The following NEDD1 variants were observed in gnomAD, a reference collection of about 807,000 sequenced individuals.
NEDD1 encodes NEDD1 gamma-tubulin ring complex targeting factor, also known as protein NEDD1.
A neutral mutation model predicts 74.0 loss-of-function variants in NEDD1; 33 were observed. That is an observed-to-expected ratio of 0.45 (90% confidence interval 0.34 to 0.60). NEDD1 has a LOEUF of 0.60. Ranked by LOEUF, NEDD1 falls within the 20% of genes least tolerant of loss-of-function variation. NEDD1 has a pLI of 0.01. For missense variants in NEDD1, 746 were observed against 776.5 expected, an observed-to-expected ratio of 0.96 and a Z score of 0.47; for synonymous variants, 250 against 264.4, an observed-to-expected ratio of 0.95 and a Z score of 0.53.
chr12:96,919,965 CTTTCA>C lies in NEDD1; in HGVS notation c.349-15_349-11del. On this transcript the variant is annotated splice_polypyrimidine_tract_variant and intron_variant, in intron 5 of 15. Coordinates refer to ENST00000266742, the MANE Select transcript of NEDD1 (RefSeq NM_152905.4). Reference sequence around the variant, plus strand: ...CGAGGATTATGGGGCAGTGTACTTACTTTCATTTCTCTCTTTCAGGATCATAAAGA... The same window carrying C: ...CGAGGATTATGGGGCAGTGTACTTACTTTCTCTCTTTCAGGATCATAAAGA... The C allele has an allele frequency of 1.9e-6, 3 of 1,580,030 alleles. No homozygotes were observed. The highest frequency in any genetic ancestry group is 2.6e-6 in the Non-Finnish European group (3 of 1,155,132).
chr12:96,946,572 C>T (rs764989937), intron 14 of NEDD1, among the ~76,000 whole-genome samples: 4 of 152,012 alleles, frequency 2.6e-5, no homozygotes, highest in Non-Finnish European at 5.9e-5. Flanking sequence ...TTTTAAATGT[C>T]GAAAAATACT....
At position 96,929,698 on chromosome 12, in the gene NEDD1, T is replaced by C. The variant is rs1045020553; in HGVS notation, c.490-5278T>C. Among the ~76,000 whole-genome samples, 25 of 151,938 alleles carry C rather than the reference T, an allele frequency of 1.6e-4. 2 individuals are homozygous for C. The highest frequency in any genetic ancestry group is 8.5e-4 in the Admixed American group (13 of 15,246). ...ACTTTTCCACCTGTCTGTGAACCTT[T>C]GTTGCCTCCATCCTGTTCAGGTTTG... On this transcript the variant is annotated intron_variant, in intron 6 of 15. Coordinates refer to ENST00000266742, the MANE Select transcript of NEDD1 (RefSeq NM_152905.4).
chr12:96,941,164 C>T (rs1877628487), intron 10 of NEDD1, among the ~76,000 whole-genome samples: 1 of 152,090 alleles, frequency 6.6e-6, no homozygotes, highest in South Asian at 2.1e-4. Context: ...TTAATATATT[C>T]ATACTTTTTG....
intron 9 of NEDD1, 103 bp from the exon 10 acceptor site, chr12:96,940,306 A>G: frequency 5.1e-6 from 3 of 589,398 alleles, no homozygotes. Flanking sequence ...CATAGTTGTA[A>G]TATTACCAAC....
chr12:96,911,961 T>G (rs1413099598), intron 3 of NEDD1, among the ~76,000 whole-genome samples: 1 of 152,190 alleles, frequency 6.6e-6, no homozygotes, highest in Non-Finnish European at 1.5e-5. Flanking sequence ...TTTAAACTTC[T>G]GATATTTTAA....
chr12:96,950,536 G>T (rs1878616772), intron 14 of NEDD1, among the ~76,000 whole-genome samples: 2 of 151,862 alleles, frequency 1.3e-5, no homozygotes, highest in Non-Finnish European at 1.5e-5. Flanking sequence ...ATGATATACA[G>T]ATATATAAAA....
At chr12:96,946,198 G>A (rs1481697768) in intron 14 of NEDD1, among the ~76,000 whole-genome samples, 2 of 152,060 alleles carry the variant, frequency 1.3e-5, no homozygotes, top group Admixed American at 6.6e-5. Context: ...GGTATGCTGT[G>A]TGCAATAATG....
rs538580146 is a variant in NEDD1 at position 96,926,858 on chromosome 12, G to A, written c.489+6733G>A. 5.9e-5 allele frequency among the ~76,000 whole-genome samples: 9 copies of A among 151,834 alleles called. No homozygotes were observed. In the South Asian group the frequency reaches 6.3e-4, roughly 11 times the overall value. On this transcript the variant is annotated intron_variant, in intron 6 of 15. Transcript: ENST00000266742. ...AAAAATTAGCCAGGTGTGGTGGTGCGCGCCTATAGTCCTAGCTACTGAGGA... is the reference window on the plus strand; with the variant it reads ...AAAAATTAGCCAGGTGTGGTGGTGCACGCCTATAGTCCTAGCTACTGAGGA...
At position 96,912,479 on chromosome 12, in the gene NEDD1, G is replaced by T. The variant is rs113493649; in HGVS notation, c.137-244G>T. On this transcript the variant is annotated intron_variant, in intron 3 of 15. Coordinates refer to ENST00000266742, the MANE Select transcript of NEDD1 (RefSeq NM_152905.4). Reference sequence around the variant, plus strand: ...TGAAAACAGAGTAGTATTTCACGTGGGTTAAATAGCTTTTGAGTGATAGCA... The same window carrying T: ...TGAAAACAGAGTAGTATTTCACGTGTGTTAAATAGCTTTTGAGTGATAGCA... 3.4e-5 allele frequency: 11 copies of T among 319,848 alleles called. 1 individual carries two copies. The highest frequency in any genetic ancestry group is 1.7e-4 in the African/African-American group (8 of 46,632). The allele number at this position is 319,848 out of a possible 1,614,324, so 19.8% of individuals were successfully genotyped here. A position where few individuals can be genotyped will look rare whatever the true frequency, so the allele number is the denominator to read the frequency against.
intron 6 of NEDD1, among the ~76,000 whole-genome samples, chr12:96,930,814 A>T (rs1016092195): frequency 1.3e-5 from 2 of 152,126 alleles, no homozygotes; most frequent in Non-Finnish European, 2.9e-5. Context: ...TTTTCTACAT[A>T]CACATACACA....
rs376505455 is a variant in NEDD1 at position 96,929,625 on chromosome 12, T to TATATA, written c.490-5351_490-5350insATATA. Among the ~76,000 whole-genome samples the TATATA allele has an allele frequency of 4.4e-3, 471 of 106,662 alleles. 6 individuals carry two copies. Among genetic ancestry groups the TATATA allele is most frequent in the African/African-American group, 0.013 (349 of 26,232 alleles). The allele number at this position is 106,662 out of a possible 152,430, so 70.0% of individuals were successfully genotyped here. On this transcript the variant is annotated intron_variant, in intron 6 of 15. Coordinates refer to ENST00000266742, the MANE Select transcript of NEDD1 (RefSeq NM_152905.4). Reference sequence around the variant, plus strand: ...CATATGTGTATATATATATATATATTTTTTTTTTAATGGCTGCTTGCTTTC... The same window carrying TATATA: ...CATATGTGTATATATATATATATATTATATATTTTTTTTAATGGCTGCTTGCTTTC...
chr12:96,940,075 A>C (rs1171204207), intron 9 of NEDD1, among the ~76,000 whole-genome samples: 1 of 152,066 alleles, frequency 6.6e-6, no homozygotes, highest in African/African-American at 2.4e-5. Flanking sequence ...AGTGTACTTT[A>C]AGAGAGCAGC....
chr12:96,924,629 C>T (rs1875492302), intron 6 of NEDD1, among the ~76,000 whole-genome samples: 1 of 152,092 alleles, frequency 6.6e-6, no homozygotes, highest in Non-Finnish European at 1.5e-5. Flanking sequence ...GAGAGAAACA[C>T]AGTTCATATT....
At chr12:96,919,414 A>G (rs1194098927) in intron 5 of NEDD1, among the ~76,000 whole-genome samples, 2 of 152,206 alleles carry the variant, frequency 1.3e-5, no homozygotes, top group African/African-American at 4.8e-5. Context: ...GCATTAAATA[A>G]TATATAAAGC....
intron 14 of NEDD1, among the ~76,000 whole-genome samples, chr12:96,947,776 G>C (rs534931850): frequency 1.3e-5 from 2 of 152,234 alleles, no homozygotes; most frequent in South Asian, 4.1e-4. Flanking sequence ...TGTGCCTCAG[G>C]AGAAGTGTGT....
chr12:96,909,141 A>G (rs1321127873), intron 2 of NEDD1, among the ~76,000 whole-genome samples: 1 of 146,800 alleles, frequency 6.8e-6, no homozygotes, highest in African/African-American at 2.5e-5. Context: ...ACACCATTGC[A>G]CTCCAGCCTG....
At chr12:96,923,963 C>T (rs916308395) in intron 6 of NEDD1, among the ~76,000 whole-genome samples, 1 of 151,874 alleles carries the variant, frequency 6.6e-6, no homozygotes, top group African/African-American at 2.4e-5. Flanking sequence ...TCTTGCCTGC[C>T]CCAAGATTTT....
intron 14 of NEDD1, among the ~76,000 whole-genome samples, chr12:96,950,466 A>G (rs1242804364): frequency 6.6e-6 from 1 of 152,026 alleles, no homozygotes; most frequent in African/African-American, 2.4e-5. Flanking sequence ...ACGTTGGAAT[A>G]GTAAAAACTT....
intron 3 of NEDD1, among the ~76,000 whole-genome samples, chr12:96,912,137 AAC>A (rs977442291): frequency 3.9e-5 from 6 of 152,188 alleles, no homozygotes; most frequent in African/African-American, 9.6e-5. Flanking sequence ...TAAAACTCAT[AAC>A]ACAATTCCTA....
Sources: gnomAD v4.1 joint callset for allele counts (sites outside exome capture counted in the v4.1 genomes callset) on GRCh38, gnomAD v4.1.1 for gene constraint, MANE v1.5 for transcripts, NCBI Gene and HGNC (gene_info 2026-07-23, HGNC 2026-07-21) for gene names.